The following XKR6 variants were observed in gnomAD, a reference collection of about 807,000 sequenced individuals.
XKR6 encodes XK related 6.
XKR6 carries 22 observed loss-of-function variants against 56.7 expected under a neutral mutation model. The ratio of observed to expected loss-of-function variants is 0.39; its 90% CI spans 0.28 to 0.55. The LOEUF (loss-of-function observed/expected upper bound fraction) is 0.55. Among genes scored for constraint, XKR6 ranks in the 20% least tolerant of loss-of-function variants. XKR6 has a pLI of 0.66. For synonymous variants in XKR6, 524 were observed against 387.8 expected, an observed-to-expected ratio of 1.35 and a Z score of -4.13; for missense variants, 852 against 889.0, an observed-to-expected ratio of 0.96 and a Z score of 0.53.
intron 1 of XKR6, among the ~76,000 whole-genome samples, chr8:11,174,612 C>T (rs1802564262): frequency 6.6e-6 from 1 of 152,138 alleles, no homozygotes; most frequent in Non-Finnish European, 1.5e-5. Flanking sequence ...TCTGTTCTTT[C>T]CTGTGAGGCA....
chr8:11,163,189 T>TAA (rs1208969080), intron 1 of XKR6, among the ~76,000 whole-genome samples: 1 of 152,246 alleles, frequency 6.6e-6, no homozygotes, highest in Non-Finnish European at 1.5e-5. Flanking sequence ...TAGAAAATAT[T>TAA]AAACCATGCT....
At chr8:11,005,697 CA>C (rs1339226405) in intron 1 of XKR6, among the ~76,000 whole-genome samples, 13 of 151,986 alleles carry the variant, frequency 8.6e-5, no homozygotes, top group African/African-American at 3.1e-4. Context: ...AATTTGCTAG[CA>C]AAAATATTAT....
chr8:11,163,216 T>G (rs922941457), intron 1 of XKR6, among the ~76,000 whole-genome samples: 3 of 152,246 alleles, frequency 2.0e-5, no homozygotes, highest in African/African-American at 7.2e-5. Context: ...GGGCCAGTCG[T>G]AATAATCACC....
chr8:10,907,011 G>A (rs1800205083), intron 2 of XKR6, among the ~76,000 whole-genome samples: 1 of 151,700 alleles, frequency 6.6e-6, no homozygotes, highest in East Asian at 1.9e-4. Context: ...TCACACCACT[G>A]CACTCCAGCC....
chr8:10,976,605 G>T (rs1338917993), intron 1 of XKR6, among the ~76,000 whole-genome samples: 1 of 152,178 alleles, frequency 6.6e-6, no homozygotes, highest in Non-Finnish European at 1.5e-5. Context: ...ACAGGAGGGT[G>T]AGAAAGACAG....
intron 1 of XKR6, among the ~76,000 whole-genome samples, chr8:10,947,617 T>A (rs1480660146): frequency 6.6e-6 from 1 of 152,134 alleles, no homozygotes; most frequent in Non-Finnish European, 1.5e-5. Context: ...GACAGCACAG[T>A]GTAGCCCCCG....
chr8:11,088,646 T>C (rs1258013602), intron 1 of XKR6, among the ~76,000 whole-genome samples: 1 of 152,182 alleles, frequency 6.6e-6, no homozygotes, highest in Non-Finnish European at 1.5e-5. Flanking sequence ...CTAAAGACAC[T>C]AAATATTTAG....
At chr8:11,035,125 G>A (rs974654987) in intron 1 of XKR6, 10 of 506,634 alleles carry the variant, frequency 2.0e-5, no homozygotes, top group African/African-American at 1.2e-4. Flanking sequence ...TTAAAGGGCT[G>A]CCATGAGGTC....
chr8:11,190,504 A>C (rs1803519585), intron 1 of XKR6, among the ~76,000 whole-genome samples: 2 of 152,154 alleles, frequency 1.3e-5, no homozygotes, highest in South Asian at 4.1e-4. Flanking sequence ...AGGTACTGAA[A>C]ACTGTGTCCT....
intron 1 of XKR6, among the ~76,000 whole-genome samples, chr8:11,115,720 A>T (rs1245124581): frequency 6.6e-6 from 1 of 152,212 alleles, no homozygotes; most frequent in Non-Finnish European, 1.5e-5. Context: ...GGGTCCCATT[A>T]CTGCAACGCT....
chr8:10,992,936 A>G (rs1341546635), intron 1 of XKR6, among the ~76,000 whole-genome samples: 1 of 152,234 alleles, frequency 6.6e-6, no homozygotes, highest in Non-Finnish European at 1.5e-5. Context: ...CTACCTGAGA[A>G]GGTCATAGAA....
intron 1 of XKR6, among the ~76,000 whole-genome samples, chr8:11,089,931 A>G (rs1259475847): frequency 2.0e-5 from 3 of 152,222 alleles, no homozygotes; most frequent in Non-Finnish European, 1.5e-5. Context: ...AGTTTGTTTT[A>G]AAATTTTATG....
In XKR6 at chr8:11,159,760, G is replaced by A. The variant is rs1801701365; in HGVS notation, c.764+40816C>T. On this transcript the variant is annotated intron_variant, in intron 1 of 2. Coordinates refer to ENST00000416569, the MANE Select transcript of XKR6 (RefSeq NM_173683.4). ...ACTGCGTATCTCTAAGTTTAGAAAT[G>A]GGGTATACAACAATTCTAGCCAAGG... is the stretch of plus-strand genomic sequence containing the variant. Among the ~76,000 whole-genome samples, 3 of 152,296 alleles carry A rather than the reference G, an allele frequency of 2.0e-5. 1 individual carries two copies. Among genetic ancestry groups the A allele is most frequent in the East Asian group, 1.9e-4 (1 of 5,184 alleles).
At chr8:11,024,749 A>G (rs988350034) in intron 1 of XKR6, among the ~76,000 whole-genome samples, 1 of 152,206 alleles carries the variant, frequency 6.6e-6, no homozygotes, top group African/African-American at 2.4e-5. Context: ...CACAGATGGG[A>G]TGGGGAAGAG....
At chr8:10,996,817 T>G (rs1263368865) in intron 1 of XKR6, among the ~76,000 whole-genome samples, 1 of 152,018 alleles carries the variant, frequency 6.6e-6, no homozygotes, top group Non-Finnish European at 1.5e-5. Flanking sequence ...GTTTGAGACC[T>G]ACCTAAGCAA....
At chr8:11,051,861 G>A (rs182541354) in intron 1 of XKR6, among the ~76,000 whole-genome samples, 5 of 152,172 alleles carry the variant, frequency 3.3e-5, no homozygotes, top group Admixed American at 2.6e-4. Context: ...CAAACAAAAC[G>A]GGATACACGT....
intron 1 of XKR6, among the ~76,000 whole-genome samples, chr8:11,146,024 C>A (rs1800964945): frequency 1.3e-5 from 2 of 151,838 alleles, no homozygotes; most frequent in African/African-American, 2.4e-5. Context: ...GAATCAAGCT[C>A]GGAAATACAT....
At chr8:11,122,722 G>T (rs764785236) in intron 1 of XKR6, among the ~76,000 whole-genome samples, 5 of 152,166 alleles carry the variant, frequency 3.3e-5, no homozygotes, top group Non-Finnish European at 7.3e-5. Flanking sequence ...TTTACCATTG[G>T]TAATCACTGT....
In XKR6 at chr8:10,924,642, G is replaced by C. The variant is rs1586311708; in HGVS notation, c.953C>G (p.Thr318Ser). The C allele has an allele frequency of 6.2e-7, 1 of 1,604,978 alleles. No homozygotes were observed. The highest frequency in any genetic ancestry group is 2.2e-5 in the East Asian group (1 of 44,674). ...YIMLQKNSAE[T>S]LPCVSSVTSL... Reference sequence around the variant, plus strand: ...GGCCGGCGGGCACTCACAGGGCAGGGTCTCGGCGCTGTTCTTCTGGAGCAT... The same window carrying C: ...GGCCGGCGGGCACTCACAGGGCAGGCTCTCGGCGCTGTTCTTCTGGAGCAT... The change falls in exon 2 of 3, where the codon ACC (threonine) becomes AGC (serine). Residue 318 changes from threonine to serine, a missense_variant. By Grantham distance (58) the Thr-to-Ser change is moderately conservative. Coordinates refer to ENST00000416569, the MANE Select transcript of XKR6 (RefSeq NM_173683.4).
Sources: allele counts gnomAD v4.1 joint callset (sites outside exome capture counted in the v4.1 genomes callset), GRCh38; gene constraint gnomAD v4.1.1; transcripts MANE v1.5; gene names NCBI Gene and HGNC (gene_info 2026-07-23, HGNC 2026-07-21).